The following GALNT18 variants were observed in gnomAD, a reference collection of about 807,000 sequenced individuals.
GALNT18 encodes polypeptide N-acetylgalactosaminyltransferase 18.
GALNT18 carries 44 observed loss-of-function variants against 69.5 expected under a neutral mutation model. That is an observed-to-expected ratio of 0.63 (90% CI 0.50 to 0.81). GALNT18 has a LOEUF of 0.81. GALNT18 is among the 40% of genes least tolerant of loss of function. The probability of loss-of-function intolerance (pLI) is 0.00; values close to 1 mark genes in which losing one functional copy is unlikely to be tolerated. For synonymous variants in GALNT18, 364 were observed against 318.2 expected (o/e 1.14, Z -1.53); for missense variants, 715 against 810.0 (o/e 0.88, Z 1.42).
At position 11,315,581 on chromosome 11, in the gene GALNT18, C is replaced by T. The variant is rs533741675; in HGVS notation, c.1512+11505G>A. ...CCTTTCTTCACCCGTGTAGAGTTTG[C>T]TCTTGGGTGAGGCATAGTAACACCT... On this transcript the variant is annotated intron_variant, in intron 9 of 10. Transcript: ENST00000227756. The surrounding 1 kb of genome is among the most constrained non-coding windows in gnomAD (Gnocchi z 5.6). Among the ~76,000 whole-genome samples, 10 of 152,204 alleles carry T rather than the reference C, an allele frequency of 6.6e-5. No homozygotes were observed. Among genetic ancestry groups the T allele is most frequent in the African/African-American group, 2.4e-4 (10 of 41,514 alleles).
rs552096979 is a variant in GALNT18 at position 11,401,026 on chromosome 11, A to G, written c.596-21762T>C. ...GGGCAGGAACGTAGGCAGTGCTTGG[A>G]TACGGGACACAGGAGGGCAGTAGTG... On this transcript the variant is annotated intron_variant, in intron 3 of 10. Transcript: ENST00000227756. 3.9e-5 allele frequency among the ~76,000 whole-genome samples: 6 copies of G among 152,244 alleles called. No individual in the cohort carries two copies. The East Asian group carries it at 1.2e-3, about 29-fold the overall frequency.
intron 9 of GALNT18, among the ~76,000 whole-genome samples, chr11:11,301,933 G>T (rs900510633): frequency 6.6e-6 from 1 of 152,136 alleles, no homozygotes; most frequent in Admixed American, 6.5e-5. Context: ...CCCCAGAGCT[G>T]GAGTAACAGT....
intron 6 of GALNT18, among the ~76,000 whole-genome samples, chr11:11,365,384 T>C (rs926021003): frequency 1.3e-5 from 2 of 152,244 alleles, no homozygotes; most frequent in Non-Finnish European, 2.9e-5. Flanking sequence ...ATTTTCTTTA[T>C]CCAGGCTATC....
chr11:11,379,149 A>G lies in GALNT18; in HGVS notation c.711T>C (p.Ser237=), dbSNP rs1258164257. Residue 237 remains serine (S), a synonymous_variant, in exon 4 of 11, where the codon AGT becomes AGC. Transcript: ENST00000227756. Reference sequence around the variant, plus strand: ...CAGGGGCAGTGGCCGCCCTCCAGCCACTGACCCTGGAGCGGATGAGGCCTT... The same window carrying G: ...CAGGGGCAGTGGCCGCCCTCCAGCCGCTGACCCTGGAGCGGATGAGGCCTT... ...KQEGLIRSRV[S]GWRAATAPVV... is the part of the protein sequence containing the mutation. 6.2e-7 allele frequency: 1 copy of G among 1,611,888 alleles called. No homozygotes were observed. The highest frequency in any genetic ancestry group is 8.5e-7 in the Non-Finnish European group (1 of 1,179,976).
At position 11,311,518 on chromosome 11, in the gene GALNT18, T is replaced by C. The variant is rs1413465795; in HGVS notation, c.1512+15568A>G. ...TGCCAAATCCTTGGGGTCTGAGGAG[T>C]TTACATGTTTCCTGCCTGGGGGTTG... On this transcript the variant is annotated intron_variant, in intron 9 of 10. Coordinates refer to ENST00000227756, the MANE Select transcript of GALNT18 (RefSeq NM_198516.3). Among the ~76,000 whole-genome samples, 7 of 152,016 alleles carry C rather than the reference T, an allele frequency of 4.6e-5. No individual in the cohort carries two copies. The East Asian group carries it at 1.4e-3, about 29-fold the overall frequency.
Position 11,332,651 on chromosome 11 carries a change from C to T in GALNT18, c.1416+43G>A, listed in dbSNP as rs1293575683. ...CTCCCTTTCTTCACTATGTTTCTTT[C>T]TGTCTGTGTCTGAATGAAACCCGGA... On this transcript the variant is annotated intron_variant, in intron 8 of 10. Transcript: ENST00000227756. The surrounding 1 kb of genome is among the most constrained non-coding windows in gnomAD (Gnocchi z 4.3). 3 of 1,605,710 alleles carry T rather than the reference C, an allele frequency of 1.9e-6. No homozygotes were observed. Among genetic ancestry groups the T allele is most frequent in the Non-Finnish European group, 2.6e-6 (3 of 1,173,090 alleles).
chr11:11,420,152 C>A (rs1033994093), intron 3 of GALNT18, among the ~76,000 whole-genome samples: 3 of 151,636 alleles, frequency 2.0e-5, no homozygotes, highest in African/African-American at 4.8e-5. Context: ...AACAAACAAA[C>A]CTCCCTCACC....
chr11:11,405,224 C>T (rs546763725), intron 3 of GALNT18, among the ~76,000 whole-genome samples: 82 of 152,094 alleles, frequency 5.4e-4, no homozygotes, highest in African/African-American at 2.0e-3. Context: ...GGAGACAGCT[C>T]CTCTTCCCTC....
At chr11:11,474,515 G>T (rs1375703350) in intron 1 of GALNT18, among the ~76,000 whole-genome samples, 1 of 152,186 alleles carries the variant, frequency 6.6e-6, no homozygotes, top group Non-Finnish European at 1.5e-5. Context: ...ATAATTGAAA[G>T]TTCAAAAGAA....
chr11:11,446,695 T>C (rs1296218455), intron 2 of GALNT18, among the ~76,000 whole-genome samples: 1 of 152,188 alleles, frequency 6.6e-6, no homozygotes, highest in East Asian at 1.9e-4. Flanking sequence ...AGCCTCTTAA[T>C]TGGTCTCCAT....
At chr11:11,451,294 A>T (rs1470404608) in intron 1 of GALNT18, among the ~76,000 whole-genome samples, 2 of 152,224 alleles carry the variant, frequency 1.3e-5, no homozygotes, top group Non-Finnish European at 2.9e-5. Flanking sequence ...TAAATCAGTG[A>T]ACCAACTGAA....
rs1323589325 is a variant in GALNT18, at chr11:11,387,937, C to T, written c.596-8673G>A. Among the ~76,000 whole-genome samples, 1 of 152,214 alleles carries T rather than the reference C, an allele frequency of 6.6e-6. No homozygotes were observed. The highest frequency in any genetic ancestry group is 1.5e-5 in the Non-Finnish European group (1 of 68,038). On this transcript the variant is annotated intron_variant, in intron 3 of 10. Coordinates refer to ENST00000227756, the MANE Select transcript of GALNT18 (RefSeq NM_198516.3). The surrounding 1 kb of genome is among the most constrained non-coding windows in gnomAD (Gnocchi z 4.6). ...ACCCTGGGCAGTTTACAAATGCCTT[C>T]CCCGAGGTTCATTCTTATGTCTGCT...
At chr11:11,357,571 T>C (rs1850557650) in intron 6 of GALNT18, among the ~76,000 whole-genome samples, 1 of 152,220 alleles carries the variant, frequency 6.6e-6, no homozygotes, top group Admixed American at 6.5e-5. Flanking sequence ...ATGCCTTTTC[T>C]CCACTTGCTT....
At chr11:11,491,705 C>T (rs539399591) in intron 1 of GALNT18, among the ~76,000 whole-genome samples, 2 of 152,334 alleles carry the variant, frequency 1.3e-5, no homozygotes, top group South Asian at 4.1e-4. Flanking sequence ...CACCCTTTCA[C>T]CCTGGAATCT....
intron 1 of GALNT18, among the ~76,000 whole-genome samples, chr11:11,610,386 AAC>A (rs1859864972): frequency 6.6e-6 from 1 of 152,216 alleles, no homozygotes; most frequent in South Asian, 2.1e-4. Context: ...TGGGGATAAT[AAC>A]ACCATCCCAC....
At chr11:11,275,128 C>T (rs988850260) in intron 10 of GALNT18, among the ~76,000 whole-genome samples, 1 of 152,236 alleles carries the variant, frequency 6.6e-6, no homozygotes, top group African/African-American at 2.4e-5. Flanking sequence ...ACACTGTCTT[C>T]CACAATGGTT....
Position 11,404,604 on chromosome 11 carries a change from C to A in GALNT18, c.596-25340G>T, listed in dbSNP as rs752636525. On this transcript the variant is annotated intron_variant, in intron 3 of 10. Coordinates refer to ENST00000227756, the MANE Select transcript of GALNT18 (RefSeq NM_198516.3). This position sits in a 1 kb window ranked among gnomAD's most constrained non-coding sequence, Gnocchi z 4.5. ...CGGCTCCATCCAAACCTAAGCCCTC[C>A]GCCCCACCCTGCGTTCTGGAATTCC... 6.6e-6 allele frequency among the ~76,000 whole-genome samples: 1 copy of A among 152,164 alleles called. No individual in the cohort carries two copies. Among genetic ancestry groups the A allele is most frequent in the Non-Finnish European group, 1.5e-5 (1 of 68,034 alleles).
intron 1 of GALNT18, among the ~76,000 whole-genome samples, chr11:11,611,790 C>T (rs1440348875): frequency 6.6e-6 from 1 of 152,150 alleles, no homozygotes; most frequent in East Asian, 1.9e-4. Flanking sequence ...GAACACTCCG[C>T]TTTTTTGACA....
rs10612380 is a variant in GALNT18 at position 11,614,362 on chromosome 11, AGAGGAGGAG to A, written c.235+6988_235+6996del. 4.7e-4 allele frequency among the ~76,000 whole-genome samples: 69 copies of A among 146,414 alleles called. No homozygotes were observed. The highest frequency in any genetic ancestry group is 8.7e-4 in the African/African-American group (34 of 39,024). ...CAAGAGAGTGAGGAGAAGAAGAAGA[AGAGGAGGAG>A]GAGGAGGAGGAGGAGGAGGAGGAGG... is the stretch of plus-strand genomic sequence containing the variant. On this transcript the variant is annotated intron_variant, in intron 1 of 10. Transcript: ENST00000227756. The surrounding 1 kb of genome is among the most constrained non-coding windows in gnomAD (Gnocchi z 5.6).
Sources: gnomAD v4.1 joint callset for allele counts (sites outside exome capture counted in the v4.1 genomes callset) on GRCh38, gnomAD v4.1.1 for gene constraint, Gnocchi (gnomAD v3.1) non-coding constraint, MANE v1.5 for transcripts, NCBI Gene and HGNC (gene_info 2026-07-23, HGNC 2026-07-21) for gene names.